TEX9: variants seen among roughly 807,000 people sequenced by gnomAD.
TEX9 encodes testis-expressed protein 9.
A neutral mutation model predicts 59.6 loss-of-function variants in TEX9; 74 were observed. The observed-to-expected ratio is 1.24, with a 90% CI of 1.03 to 1.51. TEX9 has a LOEUF of 1.51. TEX9 is among the 40% of genes most tolerant of loss of function. The probability of loss-of-function intolerance (pLI) is 0.00; values close to 1 mark genes in which losing one functional copy is unlikely to be tolerated. For synonymous variants in TEX9, 186 were observed against 152.2 expected (o/e 1.22, Z -1.64); for missense variants, 522 against 447.8 (o/e 1.17, Z -1.49).
chr15:56,418,894 A>G (rs1023964288), intron 10 of TEX9, among the ~76,000 whole-genome samples: 1 of 151,870 alleles, frequency 6.6e-6, no homozygotes, highest in Non-Finnish European at 1.5e-5. Context: ...TTATAACACA[A>G]CTGGCTACTA....
chr15:56,428,728 A>G (rs779792034), intron 12 of TEX9: 14 of 358,382 alleles, frequency 3.9e-5, no homozygotes, highest in Non-Finnish European at 7.0e-5. Context: ...AGATGCTTTA[A>G]AAGAAAATTC....
At chr15:56,300,708 G>GGGAGAGA (rs1160272154) in intron 1 of TEX9, among the ~76,000 whole-genome samples, 1,286 of 102,168 alleles carry the variant, frequency 0.013, 42 homozygotes, top group East Asian at 0.049. Flanking sequence ...AGAGAGAGAG[G>GGGAGAGA]GAGAGAGAGA....
chr15:56,297,371 T>C (rs2045241614), intron 1 of TEX9, among the ~76,000 whole-genome samples: 1 of 152,206 alleles, frequency 6.6e-6, no homozygotes, highest in Non-Finnish European at 1.5e-5. Flanking sequence ...GTTTTTACCA[T>C]AAGCATCTTT....
At chr15:56,273,274 A>AT (rs2044592095) in intron 1 of TEX9, among the ~76,000 whole-genome samples, 1 of 152,044 alleles carries the variant, frequency 6.6e-6, no homozygotes, top group South Asian at 2.1e-4. Context: ...ACTCAATATT[A>AT]TCTCTACTAT....
chr15:56,374,200 C>T (rs187337975), intron 3 of TEX9: 2 of 151,464 alleles, frequency 1.3e-5, no homozygotes, highest in Non-Finnish European at 2.9e-5. Flanking sequence ...ACAAAAGGAC[C>T]CCACGTTATA....
chr15:56,356,324 G>A (rs1435192618), intron 1 of TEX9, among the ~76,000 whole-genome samples: 3 of 152,046 alleles, frequency 2.0e-5, no homozygotes, highest in Non-Finnish European at 4.4e-5. Flanking sequence ...AGTTGGATGA[G>A]AATCCAATGT....
chr15:56,362,908 T>C (rs2046816229), upstream of TEX9, among the ~76,000 whole-genome samples: 2 of 152,264 alleles, frequency 1.3e-5, no homozygotes, highest in South Asian at 4.1e-4. Flanking sequence ...TTCATCCATA[T>C]TGTGGTATAC....
chr15:56,442,538 C>T (rs79218967), intron 12 of TEX9, among the ~76,000 whole-genome samples: 1 of 152,166 alleles, frequency 6.6e-6, no homozygotes, highest in Non-Finnish European at 1.5e-5. Flanking sequence ...TACATGTACA[C>T]CACGGAATAC....
At chr15:56,326,406 C>T (rs1490206371) in intron 1 of TEX9, among the ~76,000 whole-genome samples, 1 of 152,008 alleles carries the variant, frequency 6.6e-6, no homozygotes, top group South Asian at 2.1e-4. Context: ...TCAATTTTTT[C>T]AATTATAAAT....
chr15:56,448,108 A>G (rs1215850260), downstream of TEX9, among the ~76,000 whole-genome samples: 3 of 152,198 alleles, frequency 2.0e-5, no homozygotes, highest in African/African-American at 7.2e-5. Context: ...TGCTATGGAA[A>G]TTTGAGTACC....
chr15:56,245,342 A>G lies in TEX9; in HGVS notation c.-107+1064A>G, dbSNP rs534108406. 2.4e-4 allele frequency among the ~76,000 whole-genome samples: 37 copies of G among 152,238 alleles called. 1 individual carries two copies. The highest frequency in any genetic ancestry group is 7.5e-4 in the African/African-American group (31 of 41,530). Reference sequence around the variant, plus strand: ...CAGGGAGGAAGAACACCTGTGTGCAAAATAAGCCGCCCCCCCGCCCCCGGG... The same window carrying G: ...CAGGGAGGAAGAACACCTGTGTGCAGAATAAGCCGCCCCCCCGCCCCCGGG... On this transcript the variant is annotated intron_variant, in intron 1 of 5. Transcript: ENST00000560827.
chr15:56,422,361 C>T lies in TEX9; in HGVS notation c.964-5244C>T, dbSNP rs1235934020. Among the ~76,000 whole-genome samples the T allele has an allele frequency of 2.0e-5, 3 of 150,886 alleles. No individual in the cohort carries two copies. The East Asian group carries it at 5.8e-4, about 29-fold the overall frequency. On this transcript the variant is annotated intron_variant, in intron 10 of 12. Transcript: ENST00000352903. The stretch of plus-strand genomic sequence containing the variant: ...TGATTAATAATATGGTTGGGATTAA[C>T]TCTATTAGCTAGCTGTTGTTTTAGT...
At chr15:56,283,360 T>C (rs2044865564) in intron 1 of TEX9, among the ~76,000 whole-genome samples, 3 of 152,162 alleles carry the variant, frequency 2.0e-5, no homozygotes, top group African/African-American at 4.8e-5. Flanking sequence ...TATCAGATGG[T>C]ATTCAAAAAT....
intron 1 of TEX9, among the ~76,000 whole-genome samples, chr15:56,347,488 C>A (rs902369755): frequency 6.6e-6 from 1 of 151,792 alleles, no homozygotes; most frequent in Admixed American, 6.6e-5. Context: ...TAAATATAGC[C>A]TTTTCAACAA....
chr15:56,245,608 A>C (rs2043833158), intron 1 of TEX9, among the ~76,000 whole-genome samples: 1 of 152,196 alleles, frequency 6.6e-6, no homozygotes, highest in Admixed American at 6.5e-5. Flanking sequence ...AAAATAGCTA[A>C]TGTTTGTTGA....
intron 12 of TEX9, among the ~76,000 whole-genome samples, chr15:56,443,237 T>C (rs779540693): frequency 3.3e-5 from 5 of 152,206 alleles, no homozygotes; most frequent in Non-Finnish European, 7.4e-5. Flanking sequence ...CTTTTTATGG[T>C]AAGTTTATAA....
At chr15:56,430,704 G>GT (rs1319181420) in intron 12 of TEX9, among the ~76,000 whole-genome samples, 4 of 151,974 alleles carry the variant, frequency 2.6e-5, no homozygotes, top group Non-Finnish European at 5.9e-5. Context: ...TCTTTGGCAT[G>GT]TAAGTACTAC....
At chr15:56,398,605 A>G (rs114263680) in intron 9 of TEX9, among the ~76,000 whole-genome samples, 79 of 152,204 alleles carry the variant, frequency 5.2e-4, no homozygotes, top group Middle Eastern at 3.4e-3. Context: ...ATCATGTCCA[A>G]TCCTGTGCAA....
chr15:56,394,755 T>C lies in TEX9; in HGVS notation c.749T>C (p.Val250Ala), dbSNP rs576486868. The C allele has an allele frequency of 4.3e-6, 7 of 1,612,782 alleles. No individual in the cohort carries two copies. The highest frequency in any genetic ancestry group is 4.2e-6 in the Non-Finnish European group (5 of 1,179,482). Reference sequence around the variant, plus strand: ...ACAATTAATATGCAACAGTCTCAAGTAGAAAAATACAAAACTCTTTTCGAA... The same window carrying C: ...ACAATTAATATGCAACAGTCTCAAGCAGAAAAATACAAAACTCTTTTCGAA... Residue 250 changes from valine (V) to alanine (A), a missense_variant, in exon 9 of 13, where the codon GTA becomes GCA. By Grantham distance (64) the Val-to-Ala change is moderately conservative. Coordinates refer to ENST00000352903, the Ensembl canonical transcript of TEX9.
Sources: allele counts gnomAD v4.1 joint callset (sites outside exome capture counted in the v4.1 genomes callset), GRCh38; gene constraint gnomAD v4.1.1; transcripts MANE v1.5; gene names NCBI Gene and HGNC (gene_info 2026-07-23, HGNC 2026-07-21).